The following NECAB3 variants were observed in gnomAD, a reference collection of about 807,000 sequenced individuals.
The protein encoded by NECAB3 is N-terminal EF-hand calcium binding protein 3.
A neutral mutation model predicts 57.2 loss-of-function variants in NECAB3; 38 were observed. The ratio of observed to expected loss-of-function variants is 0.66; its 90% CI spans 0.51 to 0.87. The LOEUF is 0.87. NECAB3 is among the 40% of genes least tolerant of loss of function. NECAB3 has a pLI of 0.00. For missense variants in NECAB3, 474 were observed against 527.5 expected (o/e 0.90, Z 0.99); for synonymous variants, 223 against 222.6 (o/e 1.00, Z -0.02).
At position 33,659,956 on chromosome 20, in the gene NECAB3, C is replaced by T. The variant is rs1396150279; in HGVS notation, c.572G>A (p.Arg191Gln). 6.4e-6 allele frequency: 10 copies of T among 1,558,542 alleles called. No individual in the cohort carries two copies. Among genetic ancestry groups the T allele is most frequent in the African/African-American group, 2.7e-5 (2 of 73,974 alleles). Residue 191 changes from arginine (R) to glutamine (Q), a missense_variant, in exon 7 of 12, where the codon CGG (arginine) becomes CAG (glutamine). Transcript: ENST00000246190. ...CCTCAGGGCTCGGCGTCCTGCCCGC[C>T]GGCTGCCGCAGAGCCTGCTCTGCGC... ...VEAQSRLCGS[R>Q]RAGRRALRSV...
chr20:33,662,678 G>A lies in NECAB3; in HGVS notation c.388-2283C>T, dbSNP rs986165431. 46 of 586,358 alleles carry A rather than the reference G, an allele frequency of 7.8e-5. No homozygotes were observed. In the East Asian group the frequency reaches 1.0e-3, roughly 13 times the overall value. 36.3% of individuals were successfully genotyped at this position (586,358 alleles called of 1,614,324 possible). A position where few individuals can be genotyped will look rare whatever the true frequency, so the allele number is the denominator to read the frequency against. ...TGGGGGTCCTTTCAAGGTGGCTCACGCCTGTAATCCCAACACGTTGGTAGG... is the reference window on the plus strand; with the variant it reads ...TGGGGGTCCTTTCAAGGTGGCTCACACCTGTAATCCCAACACGTTGGTAGG... On this transcript the variant is annotated intron_variant, in intron 5 of 11. Transcript: ENST00000246190.
intron 5 of NECAB3, chr20:33,663,471 C>G: frequency 6.5e-7 from 1 of 1,537,286 alleles, no homozygotes; most frequent in Non-Finnish European, 8.8e-7. Context: ...GCGGAGCGGC[C>G]CCGGGTCGTG....
chr20:33,671,550 C>G (rs1209811619), intron 2 of NECAB3, among the ~76,000 whole-genome samples: 1 of 152,108 alleles, frequency 6.6e-6, no homozygotes, highest in African/African-American at 2.4e-5. Flanking sequence ...AGGACCCCGT[C>G]TCTAGGAGGA....
At chr20:33,669,350 C>T (rs751528676) in intron 5 of NECAB3, 25 bp downstream of exon 5, 1 of 1,609,050 alleles carries the variant, frequency 6.2e-7, no homozygotes, top group East Asian at 2.2e-5. Context: ...ACAGTGGATC[C>T]CCCACCATCA....
intron 5 of NECAB3, chr20:33,666,898 GGCGGAGCCAAGA>G (rs1194441893): frequency 6.6e-6 from 1 of 152,660 alleles, no homozygotes; most frequent in African/African-American, 2.4e-5. Context: ...CAGACCAGAG[GGCGGAGCCAAGA>G]GCTGAAAAGG....
At chr20:33,663,800 C>T (rs1055543381) in intron 5 of NECAB3, 11 of 1,418,584 alleles carry the variant, frequency 7.8e-6, no homozygotes, top group Non-Finnish European at 1.0e-5. Context: ...GGGAAGGCTC[C>T]CCGCGAAGCC....
At position 33,669,437 on chromosome 20, in the gene NECAB3, C is replaced by A. The variant is rs192413755; in HGVS notation, c.325G>T (p.Val109Leu). The change falls in exon 5 of 12, where the codon GTG (valine) becomes TTG (leucine). Residue 109 changes from valine (V) to leucine (L), a missense_variant. Physicochemically the swap from Val to Leu is conservative, Grantham distance 32. Coordinates refer to ENST00000246190, the MANE Select transcript of NECAB3 (RefSeq NM_031232.4). Reference sequence around the variant, plus strand: ...TTCAGCGATTCCAATGCAGCCAGCACCGGCCGGTAGACACCCAGGTGCTCT... The same window carrying A: ...TTCAGCGATTCCAATGCAGCCAGCAACGGCCGGTAGACACCCAGGTGCTCT... Reference protein sequence around the residue: ...FSEHLGVYRPVLAALESLNRA... With the variant: ...FSEHLGVYRPLLAALESLNRA... 2.4e-5 allele frequency: 39 copies of A among 1,613,794 alleles called. No homozygotes were observed. In the East Asian group the frequency reaches 7.8e-4, roughly 32 times the overall value.
At position 33,669,273 on chromosome 20, in the gene NECAB3, C is replaced by G. The variant is rs748657821; in HGVS notation, c.387+102G>C. 6.5e-6 allele frequency: 8 copies of G among 1,235,692 alleles called. No individual in the cohort carries two copies. In the Admixed American group the frequency reaches 1.5e-4, roughly 23 times the overall value. 76.5% of individuals were successfully genotyped at this position (1,235,692 alleles called of 1,614,324 possible). ...TGGGAGCCAGGATTTGAACCCAAGC[C>G]CCTAGCTCTATAACCCTGAGTCAAG... On this transcript the variant is annotated intron_variant, in intron 5 of 11. Coordinates refer to ENST00000246190, the MANE Select transcript of NECAB3 (RefSeq NM_031232.4).
chr20:33,663,164 T>C (rs1308365019), intron 5 of NECAB3, among the ~76,000 whole-genome samples: 1 of 152,194 alleles, frequency 6.6e-6, no homozygotes, highest in Non-Finnish European at 1.5e-5. Context: ...AGAACTTCCC[T>C]GTCTCCCTCT....
Position 33,663,530 on chromosome 20 carries a change from A to T in NECAB3, c.388-3135T>A, listed in dbSNP as rs764332862. 1.9e-6 allele frequency: 3 copies of T among 1,607,968 alleles called. No individual in the cohort carries two copies. In the South Asian group the frequency reaches 3.3e-5, roughly 18 times the overall value. On this transcript the variant is annotated intron_variant, in intron 5 of 11. Coordinates refer to ENST00000246190, the MANE Select transcript of NECAB3 (RefSeq NM_031232.4). Reference sequence around the variant, plus strand: ...CGCCTCACGCCCCTGTTCCACCCCCAGACCAGGATCGTGCTGATTCTCCCC... The same window carrying T: ...CGCCTCACGCCCCTGTTCCACCCCCTGACCAGGATCGTGCTGATTCTCCCC...
chr20:33,670,926 G>C, intron 2 of NECAB3, 134 bp from the exon 3 acceptor site: 1 of 626,928 alleles, frequency 1.6e-6, no homozygotes, highest in Non-Finnish European at 2.8e-6. Flanking sequence ...GGGAGTCTGA[G>C]GTCAGTGGGG....
intron 5 of NECAB3, chr20:33,663,683 T>C (rs755043465): frequency 3.2e-6 from 5 of 1,585,364 alleles, no homozygotes; most frequent in East Asian, 2.3e-5. Context: ...GAGCCGAGGA[T>C]GCCGGTACTG....
At chr20:33,658,895 T>C in intron 8 of NECAB3, 61 bp from the exon 9 acceptor site, 1 of 1,230,788 alleles carries the variant, frequency 8.1e-7, no homozygotes, top group Non-Finnish European at 1.2e-6. Flanking sequence ...GGACTGGCTG[T>C]GGCCTCCAGG....
chr20:33,673,708 G>A (rs1030140134), intron 1 of NECAB3, among the ~76,000 whole-genome samples: 4 of 152,138 alleles, frequency 2.6e-5, no homozygotes, highest in African/African-American at 7.2e-5. Flanking sequence ...AGCGGTGAAC[G>A]GTGGAGAAAG....
intron 1 of NECAB3, among the ~76,000 whole-genome samples, chr20:33,673,722 T>C (rs2017883169): frequency 6.6e-6 from 1 of 151,928 alleles, no homozygotes; most frequent in Admixed American, 6.6e-5. Flanking sequence ...GAGAAAGGGC[T>C]CAGGGCCGTG....
At chr20:33,668,088 C>A in intron 5 of NECAB3, 2 of 1,597,498 alleles carry the variant, frequency 1.3e-6, no homozygotes, top group Non-Finnish European at 1.7e-6. Context: ...CCCTGCGGCC[C>A]CACCTGGTGG....
Position 33,660,325 on chromosome 20 carries a change from A to C in NECAB3, c.458T>G (p.Leu153Arg). 6.2e-7 allele frequency: 1 copy of C among 1,613,506 alleles called. No individual in the cohort carries two copies. The highest frequency in any genetic ancestry group is 8.5e-7 in the Non-Finnish European group (1 of 1,179,994). The change falls in exon 6 of 12, where the codon CTG becomes CGG. Residue 153 changes from leucine (L) to arginine (R), a missense_variant. By Grantham distance (102) the Leu-to-Arg change is moderately radical. Coordinates refer to ENST00000246190, the MANE Select transcript of NECAB3 (RefSeq NM_031232.4). The surrounding 1 kb of genome is among the most constrained non-coding windows in gnomAD (Gnocchi z 4.1). ...CTCCAGCGAGCTCTGAAGGGCTTGC[A>C]GCTGGCTCACCGTCTCCCGCAGCAG... ...RFLLRETVSQLQALQSSLEGA... is the reference protein window; with the variant it reads ...RFLLRETVSQRQALQSSLEGA...
intron 2 of NECAB3, among the ~76,000 whole-genome samples, chr20:33,671,774 G>A (rs1326532368): frequency 1.3e-5 from 2 of 152,196 alleles, no homozygotes; most frequent in African/African-American, 2.4e-5. Context: ...AAGGCAGGAG[G>A]AGCCGACTCC....
At chr20:33,658,415 C>A (rs1010892003) in intron 10 of NECAB3, 62 bp downstream of exon 10, 2 of 1,539,646 alleles carry the variant, frequency 1.3e-6, no homozygotes, top group Non-Finnish European at 1.8e-6. Flanking sequence ...GAATTAGAAC[C>A]CTGGCCTGAC....
Sources: gnomAD v4.1 joint callset for allele counts (sites outside exome capture counted in the v4.1 genomes callset) on GRCh38, gnomAD v4.1.1 for gene constraint, Gnocchi (gnomAD v3.1) non-coding constraint, MANE v1.5 for transcripts, NCBI Gene and HGNC (gene_info 2026-07-23, HGNC 2026-07-21) for gene names.